Variants in PRSS23 observed in about 807,000 individuals in gnomAD.
PRSS23 encodes serine protease 23.
PRSS23 carries 25 observed loss-of-function variants against 34.7 expected under a neutral mutation model. The observed-to-expected ratio is 0.72, with a 90% CI of 0.53 to 1.01. The LOEUF (loss-of-function observed/expected upper bound fraction) is 1.01, where lower values mean the gene tolerates loss of function less well. Ranked by LOEUF, PRSS23 falls within the 50% of genes least tolerant of loss-of-function variation. PRSS23 has a pLI of 0.00. For synonymous variants in PRSS23, 176 were observed against 186.6 expected (o/e 0.94, Z 0.46); for missense variants, 445 against 475.6 (o/e 0.94, Z 0.60).
intron 2 of PRSS23, among the ~76,000 whole-genome samples, chr11:86,840,963 G>A (rs1298795507): frequency 6.6e-6 from 1 of 152,140 alleles, no homozygotes; most frequent in African/African-American, 2.4e-5. Context: ...TTAAAGCAGT[G>A]TGTAGAGGGA....
At chr11:86,894,573 A>G (rs897635134) in intron 2 of PRSS23, among the ~76,000 whole-genome samples, 1 of 152,074 alleles carries the variant, frequency 6.6e-6, no homozygotes, top group African/African-American at 2.4e-5. Context: ...AGTGCCTTCC[A>G]TCTTATTGCT....
chr11:86,949,049 G>C (rs559543312), intron 2 of PRSS23: 1 of 152,494 alleles, frequency 6.6e-6, no homozygotes, highest in East Asian at 1.9e-4. Flanking sequence ...TGGAGTATCA[G>C]ATGGAGTTAA....
intron 2 of PRSS23, among the ~76,000 whole-genome samples, chr11:86,849,258 G>C (rs1226912178): frequency 6.6e-6 from 1 of 152,160 alleles, no homozygotes; most frequent in Non-Finnish European, 1.5e-5. Context: ...CTGTAACCAG[G>C]TATTACTCTC....
intron 2 of PRSS23, chr11:86,909,971 A>C (rs1317603617): frequency 6.6e-6 from 1 of 152,116 alleles, no homozygotes; most frequent in Non-Finnish European, 1.5e-5. Context: ...ACTCATCAAC[A>C]CTCTTTTCAA....
At chr11:86,911,742 A>G (rs890948747) in intron 2 of PRSS23, 1 of 142,070 alleles carries the variant, frequency 7.0e-6, no homozygotes, top group Non-Finnish European at 1.5e-5. Context: ...TCTATACACC[A>G]TGATTAGAAA....
At chr11:86,863,207 T>A (rs1948627872) in intron 2 of PRSS23, among the ~76,000 whole-genome samples, 2 of 152,176 alleles carry the variant, frequency 1.3e-5, no homozygotes, top group African/African-American at 4.8e-5. Context: ...AGGGAGACAT[T>A]ACTCCTAATA....
chr11:86,880,331 A>C (rs11234857), intron 2 of PRSS23, among the ~76,000 whole-genome samples: 78,351 of 148,102 alleles, frequency 0.53, 22,042 homozygotes, highest in African/African-American at 0.73. Flanking sequence ...GGTCCTCTGC[A>C]TAGGAAAACC....
At chr11:86,800,685 G>A in intron 1 of PRSS23, 34 bp downstream of exon 1, 4 of 977,984 alleles carry the variant, frequency 4.1e-6, no homozygotes, top group Non-Finnish European at 4.9e-6. Context: ...CATCCGCCCG[G>A]GCGCGGGAGA....
chr11:86,829,559 G>A (rs1948333422), intron 2 of PRSS23, among the ~76,000 whole-genome samples: 1 of 152,186 alleles, frequency 6.6e-6, no homozygotes. Flanking sequence ...AGGAGGAGAG[G>A]TGCTCTGCTT....
intron 2 of PRSS23, chr11:86,857,522 A>G (rs1411414856): frequency 2.2e-6 from 1 of 461,246 alleles, no homozygotes; most frequent in African/African-American, 2.0e-5. Context: ...GTGTAACACA[A>G]TCCAGCTGTG....
chr11:86,905,337 T>A (rs563855973), intron 2 of PRSS23, among the ~76,000 whole-genome samples: 1 of 152,188 alleles, frequency 6.6e-6, no homozygotes, highest in African/African-American at 2.4e-5. Context: ...TTAAGCATGA[T>A]AAAGCATGTG....
intron 2 of PRSS23, among the ~76,000 whole-genome samples, chr11:86,882,695 C>G (rs1369398909): frequency 2.0e-5 from 3 of 152,116 alleles, no homozygotes; most frequent in African/African-American, 7.2e-5. Context: ...TAGAACACTT[C>G]CTATTTCTTT....
At chr11:86,927,882 A>G (rs1949092012) in intron 2 of PRSS23, among the ~76,000 whole-genome samples, 1 of 151,928 alleles carries the variant, frequency 6.6e-6, no homozygotes, top group South Asian at 2.1e-4. Flanking sequence ...TGGAGGTTGC[A>G]GTGAGCTGAG....
At chr11:86,897,911 G>A (rs1257665623) in intron 2 of PRSS23, among the ~76,000 whole-genome samples, 4 of 152,182 alleles carry the variant, frequency 2.6e-5, no homozygotes, top group Non-Finnish European at 4.4e-5. Flanking sequence ...GCTAAAAACT[G>A]TGCCAAATAA....
intron 2 of PRSS23, among the ~76,000 whole-genome samples, chr11:86,880,911 AATTT>A (rs1335494933): frequency 3.9e-5 from 6 of 152,140 alleles, no homozygotes; most frequent in African/African-American, 1.2e-4. Flanking sequence ...AACCTTGCAG[AATTT>A]ATTTATTAGC....
At chr11:86,900,494 G>T (rs898467499) in intron 2 of PRSS23, among the ~76,000 whole-genome samples, 20 of 152,136 alleles carry the variant, frequency 1.3e-4, no homozygotes, top group Non-Finnish European at 2.9e-5. Context: ...CTTGCCACCT[G>T]CCTGTGACTT....
chr11:86,807,783 A>G lies in PRSS23; in HGVS notation c.140A>G (p.Asn47Ser), dbSNP rs113508337. ...GTCGTCTTGCCCCAGTCTACCCTCA[A>G]TTTAGCCAAGCCAGACTTTGGAGCC... Reference protein sequence around the residue: ...LPVVLPQSTLNLAKPDFGAEA... With the variant: ...LPVVLPQSTLSLAKPDFGAEA... Residue 47 changes from asparagine to serine, a missense_variant, in exon 2 of 2, where the codon AAT (asparagine) becomes AGT (serine). Coordinates refer to ENST00000280258, the MANE Select transcript of PRSS23 (RefSeq NM_007173.6). 1.3e-4 allele frequency: 212 copies of G among 1,613,908 alleles called. No homozygotes were observed. Among genetic ancestry groups the G allele is most frequent in the Non-Finnish European group, 1.6e-4 (189 of 1,180,004 alleles).
At chr11:86,896,260 A>G (rs1948875306) in intron 2 of PRSS23, among the ~76,000 whole-genome samples, 1 of 152,084 alleles carries the variant, frequency 6.6e-6, no homozygotes, top group African/African-American at 2.4e-5. Context: ...AATACTGCTC[A>G]TTCCTACCAG....
chr11:86,800,456 C>T, upstream of PRSS23: 1 of 983,738 alleles, frequency 1.0e-6, no homozygotes, highest in South Asian at 4.7e-5. Flanking sequence ...CGCGCGGCTT[C>T]CCCGAGGCCG....
Sources: allele counts gnomAD v4.1 joint callset (sites outside exome capture counted in the v4.1 genomes callset), GRCh38; gene constraint gnomAD v4.1.1; transcripts MANE v1.5; gene names NCBI Gene and HGNC (gene_info 2026-07-23, HGNC 2026-07-21).